CRNKL1: variants seen among roughly 807,000 people sequenced by gnomAD.
CRNKL1 encodes the protein crooked neck-like protein 1.
Under a neutral mutation model 103.7 loss-of-function variants are expected in CRNKL1, and 35 were observed. The ratio of observed to expected loss-of-function variants is 0.34; its 90% CI spans 0.26 to 0.45. The LOEUF (loss-of-function observed/expected upper bound fraction) is 0.45, where lower values mean the gene tolerates loss of function less well. CRNKL1 is among the 20% of genes least tolerant of loss of function. The pLI, the probability that CRNKL1 is intolerant of heterozygous loss-of-function variation, is 1.00. For missense variants in CRNKL1, 645 were observed against 836.0 expected (o/e 0.77, Z 2.82); for synonymous variants, 267 against 282.6 (o/e 0.94, Z 0.55).
At position 20,050,443 on chromosome 20, in the gene CRNKL1, G is replaced by A. The variant is rs753553721; in HGVS notation, c.204+27C>T. ...GACCGATACAGTCTTAACAATTAGT[G>A]GACTGAAAGATACCACACTGACTGA... On this transcript the variant is annotated intron_variant, in intron 2 of 13. Transcript: ENST00000536226. 2.1e-5 allele frequency: 34 copies of A among 1,601,112 alleles called. No individual in the cohort carries two copies. The South Asian group carries it at 3.8e-4, about 18-fold the overall frequency.
intron 1 of CRNKL1, 146 bp downstream of exon 1, chr20:20,052,145 GC>G (rs1166557584): frequency 4.1e-6 from 3 of 734,458 alleles, no homozygotes; most frequent in Non-Finnish European, 6.5e-6. Context: ...AAGAGCCCGC[GC>G]CCCACCACCA....
Position 20,048,509 on chromosome 20 carries a change from A to C in CRNKL1, c.297-8T>G. 6.2e-7 allele frequency: 1 copy of C among 1,613,568 alleles called. No individual in the cohort carries two copies. The highest frequency in any genetic ancestry group is 8.5e-7 in the Non-Finnish European group (1 of 1,179,474). On this transcript the variant is annotated splice_region_variant and splice_polypyrimidine_tract_variant and intron_variant, in intron 3 of 13. Coordinates refer to ENST00000536226, the MANE Select transcript of CRNKL1 (RefSeq NM_001278628.2). ...TCGTATATGGATCGAGCCCTTAAGAAGCAAGATTTGCAGGGCATCAAAAAT... is the reference window on the plus strand; with the variant it reads ...TCGTATATGGATCGAGCCCTTAAGACGCAAGATTTGCAGGGCATCAAAAAT...
In CRNKL1 at chr20:20,040,764, G is replaced by C. The variant is rs1236458660; in HGVS notation, c.1227C>G (p.Phe409Leu). 2 of 1,602,856 alleles carry C rather than the reference G, an allele frequency of 1.2e-6. No homozygotes were observed. Among genetic ancestry groups the C allele is most frequent in the Non-Finnish European group, 1.7e-6 (2 of 1,175,400 alleles). Residue 409 changes from phenylalanine to leucine, a missense_variant and splice_region_variant, in exon 10 of 14, where the codon TTC becomes TTG. By Grantham distance (22) the Phe-to-Leu change is conservative. Around this residue, in one of 2 missense-constraint regions of CRNKL1, gnomAD observed 582 missense variants for 707.7 expected, o/e 0.82. Transcript: ENST00000536226. ...ASLELIPHKK[F>L]TFAKMWILYA... ...ACAGTATCCACATTTTGGCAAATGT[G>C]AACTAGAAAACAAAAGCACAAAAAT...
At chr20:20,036,414 T>C in intron 13 of CRNKL1, 52 bp from the exon 14 acceptor site, 1 of 1,546,876 alleles carries the variant, frequency 6.5e-7, no homozygotes, top group Non-Finnish European at 8.9e-7. Flanking sequence ...TATACTCACA[T>C]ATCAGAGTGA....
upstream of CRNKL1, among the ~76,000 whole-genome samples, chr20:20,053,681 A>G (rs1192709082): frequency 6.6e-6 from 1 of 152,252 alleles, no homozygotes; most frequent in Non-Finnish European, 1.5e-5. Context: ...TATAACCAAC[A>G]TCAATGTATT....
At position 20,052,460 on chromosome 20, in the gene CRNKL1, C is replaced by T. The variant is rs1164322810; in HGVS notation, c.-118G>A. 2.5e-6 allele frequency: 4 copies of T among 1,614,252 alleles called. No homozygotes were observed. The South Asian group carries it at 4.4e-5, about 18-fold the overall frequency. On this transcript the variant is annotated 5_prime_UTR_variant, in exon 1 of 14. Coordinates refer to ENST00000536226, the MANE Select transcript of CRNKL1 (RefSeq NM_001278628.2). The stretch of plus-strand genomic sequence containing the variant: ...ACAAACAGGATCTCGGAACCGGAAG[C>T]GGAACTTGCAGGACTGACCTTTGAC...
chr20:20,037,643 C>A, intron 12 of CRNKL1, 72 bp from the exon 13 acceptor site: 1 of 1,453,210 alleles, frequency 6.9e-7, no homozygotes. Flanking sequence ...AATAATAAAG[C>A]GAATTCCCAG....
intron 9 of CRNKL1, among the ~76,000 whole-genome samples, chr20:20,041,252 C>G (rs990179452): frequency 2.6e-5 from 4 of 152,238 alleles, no homozygotes; most frequent in Admixed American, 2.6e-4. Context: ...CTCACTGTTA[C>G]CAACAAACCC....
At chr20:20,045,028 C>T (rs2273055) in intron 6 of CRNKL1, among the ~76,000 whole-genome samples, 38,380 of 152,002 alleles carry the variant, frequency 0.25, 7,441 homozygotes, top group East Asian at 0.72. Context: ...CTTAGGATGC[C>T]AAAAGACTAG....
rs189237007 is a variant in CRNKL1 at position 20,037,628 on chromosome 20, G to A, written c.1648-57C>T. 8,744 of 1,537,870 alleles carry A rather than the reference G, an allele frequency of 5.7e-3. 34 individuals are homozygous for A. Among genetic ancestry groups the A allele is most frequent in the Non-Finnish European group, 6.9e-3 (7,818 of 1,133,332 alleles). On this transcript the variant is annotated intron_variant, in intron 12 of 13. Coordinates refer to ENST00000536226, the MANE Select transcript of CRNKL1 (RefSeq NM_001278628.2). Reference sequence around the variant, plus strand: ...ACCATATCACTCAGAAGATAATAATGTAGTAATAATAAAGCGAATTCCCAG... The same window carrying A: ...ACCATATCACTCAGAAGATAATAATATAGTAATAATAAAGCGAATTCCCAG...
chr20:20,038,713 T>C, intron 11 of CRNKL1: 2 of 313,862 alleles, frequency 6.4e-6, no homozygotes, highest in Non-Finnish European at 5.8e-6. Flanking sequence ...GCTTGACTTA[T>C]CAAGAGCTGA....
chr20:20,044,149 T>C (rs1051077889), intron 6 of CRNKL1, among the ~76,000 whole-genome samples: 3 of 152,302 alleles, frequency 2.0e-5, no homozygotes, highest in Admixed American at 1.3e-4. Flanking sequence ...CAAACTCCAC[T>C]GTTCACCTGG....
rs373423685 is a variant in CRNKL1, at chr20:20,040,775, C to G, written c.1225-9G>C. The G allele has an allele frequency of 8.7e-5, 138 of 1,581,954 alleles. No homozygotes were observed. Among genetic ancestry groups the G allele is most frequent in the Non-Finnish European group, 1.1e-4 (131 of 1,158,330 alleles). On this transcript the variant is annotated splice_polypyrimidine_tract_variant and intron_variant, in intron 9 of 13. Transcript: ENST00000536226. Reference sequence around the variant, plus strand: ...ATTTTGGCAAATGTGAACTAGAAAACAAAAGCACAAAAATATCTAGCTTAA... The same window carrying G: ...ATTTTGGCAAATGTGAACTAGAAAAGAAAAGCACAAAAATATCTAGCTTAA...
At chr20:20,036,985 A>G (rs2043429062) in intron 13 of CRNKL1, among the ~76,000 whole-genome samples, 1 of 152,180 alleles carries the variant, frequency 6.6e-6, no homozygotes, top group African/African-American at 2.4e-5. Context: ...TACCGCCTAC[A>G]AGCCTTCTCT....
Position 20,043,580 on chromosome 20 carries a change from G to T in CRNKL1, c.884C>A (p.Thr295Asn). The change falls in exon 7 of 14, where the codon ACC becomes AAC. Residue 295 changes from threonine (T) to asparagine (N), a missense_variant. Around this residue, in one of 2 missense-constraint regions of CRNKL1, gnomAD observed 582 missense variants for 707.7 expected, o/e 0.82. Transcript: ENST00000536226. ...QDAQELFKNY[T>N]IFEKKFGDRR... is the part of the protein sequence containing the mutation. ...ATCACCAAACTTCTTCTCAAAGATGGTATAATTTTTAAAGAGTTCTTGGGC... is the reference window on the plus strand; with the variant it reads ...ATCACCAAACTTCTTCTCAAAGATGTTATAATTTTTAAAGAGTTCTTGGGC... The T allele has an allele frequency of 6.2e-7, 1 of 1,613,988 alleles. No homozygotes were observed. Among genetic ancestry groups the T allele is most frequent in the Non-Finnish European group, 8.5e-7 (1 of 1,179,942 alleles).
chr20:20,042,454 T>C lies in CRNKL1; in HGVS notation c.1035A>G (p.Glu345=), dbSNP rs1015834536. The C allele has an allele frequency of 2.5e-6, 4 of 1,614,080 alleles. No homozygotes were observed. The highest frequency in any genetic ancestry group is 3.4e-6 in the Non-Finnish European group (4 of 1,180,028). ...CATAGACTTCTCTCACGGCTTCAGC[T>C]TCTGCGTCACTTTCTACCAAGCGCA... The part of the protein sequence containing the change: ...DYLRLVESDA[E]AEAVREVYER... The change falls in exon 8 of 14, where the codon GAA becomes GAG. Residue 345 remains glutamate, a synonymous_variant. Coordinates refer to ENST00000536226, the MANE Select transcript of CRNKL1 (RefSeq NM_001278628.2).
intron 2 of CRNKL1, among the ~76,000 whole-genome samples, chr20:20,049,805 CCTTTCTTT>C (rs527627624): frequency 6.6e-6 from 1 of 151,412 alleles, no homozygotes; most frequent in Non-Finnish European, 1.5e-5. Context: ...AATTCCTTTT[CCTTTCTTT>C]CTTTCTTTCT....
At chr20:20,043,217 C>G (rs1281731560) in intron 7 of CRNKL1, among the ~76,000 whole-genome samples, 1 of 152,184 alleles carries the variant, frequency 6.6e-6, no homozygotes, top group African/African-American at 2.4e-5. Flanking sequence ...ATGGATTCCA[C>G]ATTTCTTTTG....
chr20:20,043,761 T>C, intron 6 of CRNKL1, 99 bp from the exon 7 acceptor site: 1 of 1,119,214 alleles, frequency 8.9e-7, no homozygotes, highest in Non-Finnish European at 1.3e-6. Flanking sequence ...ATAAGTTAGA[T>C]TTTGAGGCCT....
Sources: gnomAD v4.1 joint callset for allele counts (sites outside exome capture counted in the v4.1 genomes callset) on GRCh38, gnomAD v4.1.1 for gene constraint, gnomAD v4.1.1 regional missense constraint, MANE v1.5 for transcripts, NCBI Gene and HGNC (gene_info 2026-07-23, HGNC 2026-07-21) for gene names.